The following SLC2A9 variants were observed in gnomAD, a reference collection of about 807,000 sequenced individuals.
SLC2A9 encodes solute carrier family 2, facilitated glucose transporter member 9.
A neutral mutation model predicts 50.6 loss-of-function variants in SLC2A9; 39 were observed. The observed-to-expected ratio is 0.77, with a 90% confidence interval of 0.60 to 1.01. SLC2A9 has a LOEUF of 1.01. Ranked by LOEUF, SLC2A9 falls within the 50% of genes least tolerant of loss-of-function variation. The pLI is 0.00. For missense variants in SLC2A9, 686 were observed against 677.6 expected, an observed-to-expected ratio of 1.01 and a Z score of -0.14; for synonymous variants, 324 against 276.9, an observed-to-expected ratio of 1.17 and a Z score of -1.69.
chr4:9,990,741 G>T (rs554508571), intron 3 of SLC2A9, among the ~76,000 whole-genome samples: 1 of 152,134 alleles, frequency 6.6e-6, no homozygotes, highest in Non-Finnish European at 1.5e-5. Context: ...GAACCCTGCC[G>T]TCCCGAAGTC....
intron 1 of SLC2A9, among the ~76,000 whole-genome samples, chr4:10,030,435 T>A (rs966287435): frequency 6.6e-6 from 1 of 152,218 alleles, no homozygotes; most frequent in Non-Finnish European, 1.5e-5. Context: ...GAATGTACAA[T>A]ACCAAGAGTG....
rs570790822 is a variant in SLC2A9, at chr4:9,774,157, C to A, written n.182-2788G>T. The stretch of plus-strand genomic sequence containing the variant: ...TACAGGTGTCTGCCACCTCACCCAG[C>A]TAATTTTTGTATTTTTAGTAGAGAT... On this transcript the variant is annotated intron_variant and non_coding_transcript_variant, in intron 1 of 1. Transcript: ENST00000508585. Among the ~76,000 whole-genome samples the A allele has an allele frequency of 2.0e-5, 3 of 152,108 alleles. No homozygotes were observed. The South Asian group carries it at 6.2e-4, about 32-fold the overall frequency.
At chr4:9,900,485 T>C (rs919999342) in intron 8 of SLC2A9, among the ~76,000 whole-genome samples, 5 of 150,236 alleles carry the variant, frequency 3.3e-5, no homozygotes, top group African/African-American at 7.3e-5. Context: ...TGGGTGGGAG[T>C]GGAAACTGCA....
chr4:9,788,977 T>C (rs1342370883), intron 3 of SLC2A9, among the ~76,000 whole-genome samples: 1 of 152,164 alleles, frequency 6.6e-6, no homozygotes, highest in African/African-American at 2.4e-5. Flanking sequence ...GGTGACATTG[T>C]TTCTATATCC....
chr4:9,880,535 G>A, intron 10 of SLC2A9: 2 of 985,242 alleles, frequency 2.0e-6, no homozygotes, highest in Non-Finnish European at 2.4e-6. Context: ...AAAGTCTTGG[G>A]AGGGCTTAGG....
intron 11 of SLC2A9, among the ~76,000 whole-genome samples, chr4:9,829,048 T>A (rs1399457756): frequency 6.6e-6 from 1 of 152,186 alleles, no homozygotes; most frequent in South Asian, 2.1e-4. Flanking sequence ...GGCTTTCTTT[T>A]CCCAAGGGAC....
chr4:9,939,279 C>T (rs188190747), intron 6 of SLC2A9, among the ~76,000 whole-genome samples: 6 of 152,176 alleles, frequency 3.9e-5, no homozygotes, highest in Admixed American at 3.3e-4. Context: ...AAGGTCAAGC[C>T]CTACTAAGAT....
chr4:9,955,792 T>C (rs1198172053), intron 5 of SLC2A9, among the ~76,000 whole-genome samples: 3 of 151,288 alleles, frequency 2.0e-5, no homozygotes, highest in African/African-American at 4.9e-5. Flanking sequence ...GGGTCAGTAT[T>C]AACCTTTTGA....
chr4:9,833,355 G>T (rs999278786), intron 11 of SLC2A9, among the ~76,000 whole-genome samples: 1 of 152,164 alleles, frequency 6.6e-6, no homozygotes. Context: ...ACTCTGAGAC[G>T]AGGAGGCTGT....
At chr4:9,792,571 G>A (rs1056325462) in intron 3 of SLC2A9, among the ~76,000 whole-genome samples, 14 of 152,168 alleles carry the variant, frequency 9.2e-5, no homozygotes, top group African/African-American at 3.4e-4. Context: ...AATTATTAGT[G>A]TCCCTGCATG....
At chr4:9,991,751 G>A (rs945212237) in intron 3 of SLC2A9, among the ~76,000 whole-genome samples, 1 of 152,166 alleles carries the variant, frequency 6.6e-6, no homozygotes, top group Admixed American at 6.5e-5. Flanking sequence ...CACACACACA[G>A]GGAGCACACA....
chr4:9,954,127 G>C (rs1750791041), intron 5 of SLC2A9, among the ~76,000 whole-genome samples: 1 of 152,034 alleles, frequency 6.6e-6, no homozygotes, highest in Non-Finnish European at 1.5e-5. Flanking sequence ...TTGTAGAGAT[G>C]AGGTTTTGCC....
chr4:10,037,758 G>C (rs1457812810), intron 1 of SLC2A9, among the ~76,000 whole-genome samples: 1 of 152,106 alleles, frequency 6.6e-6, no homozygotes, highest in Non-Finnish European at 1.5e-5. Flanking sequence ...AGACCAGCCT[G>C]AGCGACATGG....
chr4:9,822,107 C>T (rs1724484931), downstream of SLC2A9, among the ~76,000 whole-genome samples: 1 of 152,104 alleles, frequency 6.6e-6, no homozygotes, highest in African/African-American at 2.4e-5. Context: ...CAAGTTGTGT[C>T]CTATCTCTCT....
At chr4:9,943,347 C>T (rs1009878216) in intron 5 of SLC2A9, among the ~76,000 whole-genome samples, 1 of 152,194 alleles carries the variant, frequency 6.6e-6, no homozygotes, top group Admixed American at 6.5e-5. Flanking sequence ...TTTTTATTCA[C>T]AAAACTCCTC....
At chr4:9,964,583 C>T (rs1280642333) in intron 5 of SLC2A9, among the ~76,000 whole-genome samples, 1 of 152,140 alleles carries the variant, frequency 6.6e-6, no homozygotes, top group Non-Finnish European at 1.5e-5. Context: ...GACGATGTTG[C>T]TGGGTGGCTG....
At chr4:9,963,468 G>A (rs866058784) in intron 5 of SLC2A9, among the ~76,000 whole-genome samples, 12 of 152,188 alleles carry the variant, frequency 7.9e-5, no homozygotes, top group South Asian at 4.1e-4. Flanking sequence ...TCAGCTCTAC[G>A]TTGATACAAA....
chr4:9,795,393 G>A (rs566317289), downstream of SLC2A9, among the ~76,000 whole-genome samples: 2 of 152,276 alleles, frequency 1.3e-5, no homozygotes, highest in South Asian at 4.2e-4. Context: ...AAACTTGCTT[G>A]TAGGTGAAAG....
At chr4:9,802,886 G>T (rs1439973228) in intron 3 of SLC2A9, among the ~76,000 whole-genome samples, 3 of 152,256 alleles carry the variant, frequency 2.0e-5, no homozygotes, top group Middle Eastern at 3.4e-3. Flanking sequence ...TTCTAATCCT[G>T]CCTTATCCAG....
Sources: gnomAD v4.1 joint callset for allele counts (sites outside exome capture counted in the v4.1 genomes callset) on GRCh38, gnomAD v4.1.1 for gene constraint, MANE v1.5 for transcripts, NCBI Gene and HGNC (gene_info 2026-07-23, HGNC 2026-07-21) for gene names.